TCF4: variants seen among roughly 807,000 people sequenced by gnomAD.
TCF4 encodes SL3-3 enhancer factor 2.
A neutral mutation model predicts 82.1 loss-of-function variants in TCF4; 3 were observed. That is an observed-to-expected ratio of 0.04 (90% confidence interval 0.02 to 0.09). The LOEUF is 0.09. Among genes scored for constraint, TCF4 ranks in the 10% least tolerant of loss-of-function variants. The pLI, the probability that TCF4 is intolerant of heterozygous loss-of-function variation, is 1.00. For missense variants in TCF4, 518 were observed against 852.7 expected, an observed-to-expected ratio of 0.61 and a Z score of 4.89; for synonymous variants, 276 against 309.6, an observed-to-expected ratio of 0.89 and a Z score of 1.14.
At chr18:55,451,221 T>C (rs2095616368) in intron 5 of TCF4, among the ~76,000 whole-genome samples, 1 of 152,174 alleles carries the variant, frequency 6.6e-6, no homozygotes, top group Admixed American at 6.5e-5. Context: ...TTTCCATTCA[T>C]TACCCAGACG....
At chr18:55,511,938 A>G (rs1271582905) in intron 3 of TCF4, among the ~76,000 whole-genome samples, 1 of 139,486 alleles carries the variant, frequency 7.2e-6, no homozygotes, top group African/African-American at 2.6e-5. Context: ...TTGGAGCTAA[A>G]CTAAATGGCA....
chr18:55,323,896 A>G (rs1445997216), intron 8 of TCF4, among the ~76,000 whole-genome samples: 1 of 152,194 alleles, frequency 6.6e-6, no homozygotes, highest in Non-Finnish European at 1.5e-5. Flanking sequence ...CTTTTGATAA[A>G]CAATCATTCT....
At chr18:55,426,591 C>G (rs1219415370) in intron 5 of TCF4, among the ~76,000 whole-genome samples, 1 of 152,122 alleles carries the variant, frequency 6.6e-6, no homozygotes, top group Non-Finnish European at 1.5e-5. Context: ...TTTAGAAAAA[C>G]TCTGCTTAAA....
intron 3 of TCF4, among the ~76,000 whole-genome samples, chr18:55,501,235 T>C (rs2096696375): frequency 6.6e-6 from 1 of 152,222 alleles, no homozygotes; most frequent in Non-Finnish European, 1.5e-5. Flanking sequence ...CCACTCTTAG[T>C]ATTCATTTTA....
chr18:55,471,783 A>G (rs561415684), intron 3 of TCF4, among the ~76,000 whole-genome samples: 3 of 150,458 alleles, frequency 2.0e-5, no homozygotes, highest in African/African-American at 7.3e-5. Context: ...AAAAAAAAAG[A>G]TAAGTCAAAT....
At chr18:55,411,719 C>A (rs1188726115) in intron 5 of TCF4, among the ~76,000 whole-genome samples, 1 of 151,998 alleles carries the variant, frequency 6.6e-6, no homozygotes, top group Non-Finnish European at 1.5e-5. Context: ...TCGGTAGAGT[C>A]TGGCATTCTC....
At chr18:55,536,607 A>G (rs1341548243) in intron 3 of TCF4, among the ~76,000 whole-genome samples, 2 of 152,256 alleles carry the variant, frequency 1.3e-5, no homozygotes, top group Admixed American at 6.5e-5. Context: ...CCAACATATA[A>G]GACATATGAC....
At chr18:55,424,668 T>A (rs1027945187) in intron 5 of TCF4, among the ~76,000 whole-genome samples, 1 of 152,198 alleles carries the variant, frequency 6.6e-6, no homozygotes, top group Admixed American at 6.5e-5. Flanking sequence ...AAAAACTTCA[T>A]CACACCACAT....
intron 6 of TCF4, among the ~76,000 whole-genome samples, chr18:55,388,329 A>C (rs929448830): frequency 2.0e-5 from 3 of 152,162 alleles, no homozygotes; most frequent in African/African-American, 7.2e-5. Context: ...AGGGCCAGAA[A>C]TTTCCAGGAG....
At chr18:55,233,850 T>C (rs2048588196) in intron 16 of TCF4, among the ~76,000 whole-genome samples, 1 of 151,490 alleles carries the variant, frequency 6.6e-6, no homozygotes, top group African/African-American at 2.4e-5. Context: ...ATAAAATGAT[T>C]ATTATTCATA....
rs755353080 is a variant in TCF4, at chr18:55,350,892, G to A, written c.481C>T (p.Leu161Phe). Residue 161 changes from leucine (L) to phenylalanine (F), a missense_variant, in exon 7 of 20, where the codon CTT becomes TTT. Leu to Phe is a conservative substitution (Grantham distance 22, BLOSUM62 0). Coordinates refer to ENST00000354452, the MANE Select transcript of TCF4 (RefSeq NM_001083962.2). ...YSSNNPRRRP[L>F]HSSAMEVQTK... Reference sequence around the variant, plus strand: ...ACCTTACCCATGGCACTACTGTGAAGAGGCCTCCTTCGGGGATTATTGCTA... The same window carrying A: ...ACCTTACCCATGGCACTACTGTGAAAAGGCCTCCTTCGGGGATTATTGCTA... The A allele has an allele frequency of 1.1e-5, 17 of 1,613,544 alleles. No homozygotes were observed. Among genetic ancestry groups the A allele is most frequent in the South Asian group, 3.3e-5 (3 of 91,070 alleles).
At chr18:55,384,259 A>T (rs2092360994) in intron 6 of TCF4, 1 of 152,254 alleles carries the variant, frequency 6.6e-6, no homozygotes. Flanking sequence ...CTGACAACAG[A>T]CAGCTGTCAA....
intron 3 of TCF4, among the ~76,000 whole-genome samples, chr18:55,509,709 ATCTT>A (rs1446636985): frequency 6.6e-6 from 1 of 152,158 alleles, no homozygotes; most frequent in East Asian, 1.9e-4. Context: ...ATTCCTCAAA[ATCTT>A]TATTGAGAAG....
chr18:55,405,929 C>T (rs774423394), intron 5 of TCF4, among the ~76,000 whole-genome samples: 3 of 151,924 alleles, frequency 2.0e-5, no homozygotes, highest in Non-Finnish European at 2.9e-5. Context: ...AAAAATAAAC[C>T]CACTGCAAAT....
upstream of TCF4, among the ~76,000 whole-genome samples, chr18:55,593,495 T>C (rs2097687822): frequency 1.3e-5 from 2 of 151,876 alleles, no homozygotes; most frequent in Non-Finnish European, 2.9e-5. Flanking sequence ...AAAAACATTA[T>C]ATGTTGAAGG....
rs188383401 is a variant in TCF4 at position 55,401,838 on chromosome 18, G to A, written c.369+1616C>T. ...TATTCTCTCAATGACCAGAAAAAGG[G>A]GCCCAGCGAAAACAGAGACCTCTGC... On this transcript the variant is annotated intron_variant, in intron 6 of 19. Transcript: ENST00000354452. The A allele has an allele frequency of 2.7e-4, 256 of 961,824 alleles. No individual in the cohort carries two copies. The African/African-American group carries it at 4.1e-3, about 16-fold the overall frequency. The allele number at this position is 961,824 out of a possible 1,614,324, so 59.6% of individuals were successfully genotyped here.
chr18:55,280,806 C>A (rs1007961291), intron 8 of TCF4, among the ~76,000 whole-genome samples: 3 of 151,898 alleles, frequency 2.0e-5, no homozygotes, highest in African/African-American at 4.8e-5. Flanking sequence ...ATCGAATAAA[C>A]ACCCCAGAAA....
At chr18:55,440,450 T>C (rs972204932) in intron 5 of TCF4, among the ~76,000 whole-genome samples, 14 of 152,204 alleles carry the variant, frequency 9.2e-5, no homozygotes, top group African/African-American at 3.4e-4. Flanking sequence ...CCTGGGAAAT[T>C]TGTGTCTGTG....
intron 17 of TCF4, 187 bp downstream of exon 17, chr18:55,232,322 T>A: frequency 1.6e-6 from 1 of 643,266 alleles, no homozygotes; most frequent in East Asian, 2.8e-5. Context: ...GCCAAAACAG[T>A]TTAGGCTCCA....
Sources: gnomAD v4.1 joint callset for allele counts (sites outside exome capture counted in the v4.1 genomes callset) on GRCh38, gnomAD v4.1.1 for gene constraint, MANE v1.5 for transcripts, NCBI Gene and HGNC (gene_info 2026-07-23, HGNC 2026-07-21) for gene names.